BARX2: variants seen among roughly 807,000 people sequenced by gnomAD.
The protein encoded by BARX2 is BARX homeobox 2.
A neutral mutation model predicts 25.5 loss-of-function variants in BARX2; 11 were observed. The ratio of observed to expected loss-of-function variants is 0.43; its 90% CI spans 0.27 to 0.71. The LOEUF is 0.71. Among genes scored for constraint, BARX2 ranks in the 30% least tolerant of loss-of-function variants. The pLI is 0.19. For synonymous variants in BARX2, 137 were observed against 149.5 expected (o/e 0.92, Z 0.61); for missense variants, 360 against 359.9 (o/e 1.00, Z 0.00).
At chr11:129,377,352 T>C (rs546862773) in intron 1 of BARX2, among the ~76,000 whole-genome samples, 1 of 152,364 alleles carries the variant, frequency 6.6e-6, no homozygotes, top group African/African-American at 2.4e-5. Flanking sequence ...TGACAATCAG[T>C]AAACATATGA....
At chr11:129,412,293 A>G (rs1861898066) in intron 1 of BARX2, among the ~76,000 whole-genome samples, 1 of 152,144 alleles carries the variant, frequency 6.6e-6, no homozygotes, top group Admixed American at 6.5e-5. Context: ...ACAAACAAAA[A>G]AAGAAGTAGT....
intron 1 of BARX2, among the ~76,000 whole-genome samples, chr11:129,387,012 C>A (rs566748985): frequency 2.0e-5 from 3 of 152,178 alleles, no homozygotes; most frequent in African/African-American, 7.2e-5. Context: ...CCAAACTGGA[C>A]GTGATGGAAA....
At chr11:129,433,662 C>T (rs901942146) in intron 1 of BARX2, among the ~76,000 whole-genome samples, 25 of 152,114 alleles carry the variant, frequency 1.6e-4, no homozygotes, top group African/African-American at 4.8e-4. Context: ...GTGCTTGTCC[C>T]GTACCTTCTC....
chr11:129,426,138 TTCAC>T (rs1350580958), intron 1 of BARX2, among the ~76,000 whole-genome samples: 3 of 152,132 alleles, frequency 2.0e-5, no homozygotes, highest in Non-Finnish European at 4.4e-5. Context: ...ATCTGTTTCA[TTCAC>T]TCTTGCTGGA....
At chr11:129,382,130 T>C (rs535976922) in intron 1 of BARX2, among the ~76,000 whole-genome samples, 12 of 152,206 alleles carry the variant, frequency 7.9e-5, no homozygotes, top group Non-Finnish European at 1.5e-4. Context: ...GCAGCAGAGA[T>C]GCAAAGGTAG....
At chr11:129,447,690 C>T (rs76014903) in intron 3 of BARX2, among the ~76,000 whole-genome samples, 2,320 of 151,908 alleles carry the variant, frequency 0.015, 60 homozygotes, top group African/African-American at 0.053. Flanking sequence ...TTTTTTCATG[C>T]AGTAGGAAAA....
chr11:129,439,528 C>T (rs186042240), intron 2 of BARX2, among the ~76,000 whole-genome samples: 2 of 152,196 alleles, frequency 1.3e-5, no homozygotes, highest in East Asian at 1.9e-4. Context: ...GCAGAATCAA[C>T]ATTGCGGAAG....
intron 1 of BARX2, among the ~76,000 whole-genome samples, chr11:129,386,605 A>G (rs1477502342): frequency 1.3e-5 from 2 of 152,184 alleles, no homozygotes; most frequent in Non-Finnish European, 2.9e-5. Context: ...TGGGCATCCT[A>G]TTGTTTGGAG....
intron 3 of BARX2, among the ~76,000 whole-genome samples, chr11:129,448,933 A>T (rs892069106): frequency 4.6e-5 from 7 of 152,238 alleles, no homozygotes; most frequent in Admixed American, 4.6e-4. Flanking sequence ...GCCAGTCACA[A>T]AAGTGCACAT....
chr11:129,396,393 T>C (rs1262803665), intron 1 of BARX2, among the ~76,000 whole-genome samples: 2 of 132,998 alleles, frequency 1.5e-5, no homozygotes, highest in African/African-American at 5.9e-5. Context: ...CCCACTCACC[T>C]TTTTTTTTTT....
rs142833602 is a variant in BARX2 at position 129,449,134 on chromosome 11, T to C, written c.574-2002T>C. ...TTGGAAAATTGCATTGTGGTGATAG[T>C]TGTACAATTCTGTGACTATCCTAAA... On this transcript the variant is annotated intron_variant, in intron 3 of 3. Transcript: ENST00000281437. Among the ~76,000 whole-genome samples, 214 of 152,332 alleles carry C rather than the reference T, an allele frequency of 1.4e-3. 4 individuals are homozygous for C. The highest frequency in any genetic ancestry group is 4.9e-3 in the African/African-American group (203 of 41,590).
rs1861509416 is a variant in BARX2, at chr11:129,376,810, A to G, written c.187+588A>G. Among the ~76,000 whole-genome samples, 2 of 152,242 alleles carry G rather than the reference A, an allele frequency of 1.3e-5. No individual in the cohort carries two copies. Among genetic ancestry groups the G allele is most frequent in the African/African-American group, 2.4e-5 (1 of 41,464 alleles). ...CCCTCGTTTGTCTTAAGTCAAGCCGAAAAGGTCACCCTCGTTTGTCTTAAG... is the reference window on the plus strand; with the variant it reads ...CCCTCGTTTGTCTTAAGTCAAGCCGGAAAGGTCACCCTCGTTTGTCTTAAG... On this transcript the variant is annotated intron_variant, in intron 1 of 3. Transcript: ENST00000281437. This position sits in a 1 kb window ranked among gnomAD's most constrained non-coding sequence, Gnocchi z 4.2.
At chr11:129,392,148 G>C (rs145766894) in intron 1 of BARX2, among the ~76,000 whole-genome samples, 118 of 152,302 alleles carry the variant, frequency 7.7e-4, no homozygotes, top group African/African-American at 2.6e-3. Flanking sequence ...TCTCAGGAAG[G>C]ATGAAGCACG....
chr11:129,408,700 C>A (rs974390179), intron 1 of BARX2, among the ~76,000 whole-genome samples: 1 of 152,218 alleles, frequency 6.6e-6, no homozygotes, highest in Non-Finnish European at 1.5e-5. Context: ...CAGCCTCCCC[C>A]ATACATGCTC....
chr11:129,441,529 A>G (rs1862258878), intron 2 of BARX2, among the ~76,000 whole-genome samples: 1 of 152,012 alleles, frequency 6.6e-6, no homozygotes, highest in African/African-American at 2.4e-5. Flanking sequence ...GCTCACTGCA[A>G]CCTCCGCCTC....
At chr11:129,377,594 A>C (rs994999753) in intron 1 of BARX2, among the ~76,000 whole-genome samples, 1 of 152,246 alleles carries the variant, frequency 6.6e-6, no homozygotes, top group Non-Finnish European at 1.5e-5. Context: ...CTGAGAACTG[A>C]TATTTTTACA....
chr11:129,446,382 C>G (rs1023609212), intron 3 of BARX2, among the ~76,000 whole-genome samples: 5 of 152,142 alleles, frequency 3.3e-5, no homozygotes, highest in Non-Finnish European at 7.3e-5. Flanking sequence ...ACCAGTAGCT[C>G]TCTGTGTAAT....
At chr11:129,411,114 G>A (rs1412940581) in intron 1 of BARX2, among the ~76,000 whole-genome samples, 4 of 152,176 alleles carry the variant, frequency 2.6e-5, no homozygotes, top group Non-Finnish European at 5.9e-5. Context: ...GCTCACGCCT[G>A]TAATCCCAGC....
At chr11:129,448,718 CAT>C (rs946186266) in intron 3 of BARX2, among the ~76,000 whole-genome samples, 2 of 152,170 alleles carry the variant, frequency 1.3e-5, no homozygotes, top group African/African-American at 2.4e-5. Context: ...AAATGTGAAA[CAT>C]AGAGTTGCCA....
Sources: gnomAD v4.1 joint callset for allele counts (sites outside exome capture counted in the v4.1 genomes callset) on GRCh38, gnomAD v4.1.1 for gene constraint, Gnocchi (gnomAD v3.1) non-coding constraint, MANE v1.5 for transcripts, NCBI Gene and HGNC (gene_info 2026-07-23, HGNC 2026-07-21) for gene names.